The following PTPRT variants were observed in gnomAD, a reference collection of about 807,000 sequenced individuals.
PTPRT encodes the protein protein tyrosine phosphatase receptor type T.
Under a neutral mutation model 176.8 loss-of-function variants are expected in PTPRT, and 56 were observed. The observed-to-expected ratio is 0.32, with a 90% CI of 0.26 to 0.40. The LOEUF (loss-of-function observed/expected upper bound fraction) is 0.40, where lower values mean the gene tolerates loss of function less well. PTPRT is among the 10% of genes least tolerant of loss of function. PTPRT has a pLI of 1.00. For missense variants in PTPRT, 1,540 were observed against 1,908.2 expected (o/e 0.81, Z 3.60); for synonymous variants, 783 against 739.0 (o/e 1.06, Z -0.96).
At chr20:42,900,499 G>C (rs912550211) in intron 1 of PTPRT, among the ~76,000 whole-genome samples, 9 of 152,026 alleles carry the variant, frequency 5.9e-5, no homozygotes, top group African/African-American at 2.2e-4. Flanking sequence ...CTTGAGTTCT[G>C]ACTGGCTAAA....
chr20:42,894,461 C>T (rs969058610), intron 1 of PTPRT, among the ~76,000 whole-genome samples: 5 of 151,950 alleles, frequency 3.3e-5, no homozygotes, highest in Admixed American at 2.0e-4. Flanking sequence ...TCCCAATCAC[C>T]CCACGAGATG....
chr20:42,273,117 T>C (rs2056967694), intron 13 of PTPRT, among the ~76,000 whole-genome samples: 1 of 152,220 alleles, frequency 6.6e-6, no homozygotes, highest in Non-Finnish European at 1.5e-5. Context: ...TGAACTACTA[T>C]TTGCTGAGTG....
chr20:42,777,970 A>G (rs1302066327), intron 4 of PTPRT, among the ~76,000 whole-genome samples: 1 of 152,156 alleles, frequency 6.6e-6, no homozygotes, highest in East Asian at 1.9e-4. Flanking sequence ...ACAGGAGCAC[A>G]TTATGCAGAC....
intron 16 of PTPRT, among the ~76,000 whole-genome samples, chr20:42,176,884 G>A (rs1990315779): frequency 2.0e-5 from 3 of 151,898 alleles, no homozygotes; most frequent in South Asian, 4.1e-4. Flanking sequence ...CCATTGTTGT[G>A]GGTGGATAAA....
At position 43,189,059 on chromosome 20, in the gene PTPRT, G is replaced by A. The variant is rs1203663451; in HGVS notation, c.88+587C>T. Among the ~76,000 whole-genome samples the A allele has an allele frequency of 2.0e-5, 3 of 152,232 alleles. No individual in the cohort carries two copies. The highest frequency in any genetic ancestry group is 2.9e-5 in the Non-Finnish European group (2 of 68,038). The stretch of plus-strand genomic sequence containing the variant: ...AGAAAAGCCAGCGGGTAGGGCGGAG[G>A]TATTGCTCTCGGTCATCAACGCAAA... On this transcript the variant is annotated intron_variant, in intron 1 of 30. Coordinates refer to ENST00000373187, the MANE Select transcript of PTPRT (RefSeq NM_007050.6). The surrounding 1 kb of genome is among the most constrained non-coding windows in gnomAD (Gnocchi z 5.0).
intron 7 of PTPRT, among the ~76,000 whole-genome samples, chr20:42,628,416 C>A (rs2074337567): frequency 6.6e-6 from 1 of 152,124 alleles, no homozygotes; most frequent in South Asian, 2.1e-4. Context: ...AGTCCATTAT[C>A]CCTATAGCTA....
chr20:42,698,852 C>CATGAATGAATGAATGA (rs3092082), intron 6 of PTPRT, among the ~76,000 whole-genome samples: 187 of 151,538 alleles, frequency 1.2e-3, no homozygotes, highest in African/African-American at 4.0e-3. Context: ...TGAATGCATA[C>CATGAATGAATGAATGA]ATGAATGAAT....
chr20:42,141,785 G>T, intron 18 of PTPRT, 130 bp downstream of exon 18: 1 of 861,688 alleles, frequency 1.2e-6, no homozygotes, highest in Non-Finnish European at 1.9e-6. Context: ...CTTCCATCTT[G>T]GCATGTAGAT....
At chr20:42,635,078 A>C (rs1569040109) in intron 7 of PTPRT, among the ~76,000 whole-genome samples, 1 of 152,106 alleles carries the variant, frequency 6.6e-6, no homozygotes, top group African/African-American at 2.4e-5. Context: ...TCTCAGAGCT[A>C]ATTTGAACAC....
At chr20:42,894,880 G>C (rs1382661879) in intron 1 of PTPRT, among the ~76,000 whole-genome samples, 1 of 152,166 alleles carries the variant, frequency 6.6e-6, no homozygotes, top group Non-Finnish European at 1.5e-5. Flanking sequence ...AAATGGAGTA[G>C]GGGGCTTAAA....
At chr20:42,822,771 C>T (rs936092025) in intron 2 of PTPRT, among the ~76,000 whole-genome samples, 6 of 151,992 alleles carry the variant, frequency 3.9e-5, no homozygotes, top group Admixed American at 2.6e-4. Context: ...AAGACATTTA[C>T]GCAGCCAACA....
intron 2 of PTPRT, among the ~76,000 whole-genome samples, chr20:42,855,551 C>G (rs2078548146): frequency 6.6e-6 from 1 of 150,474 alleles, no homozygotes; most frequent in Non-Finnish European, 1.5e-5. Context: ...CATGCCTCAG[C>G]CTCCCAAGTA....
At chr20:43,127,422 CAAA>C (rs35897839) in intron 1 of PTPRT, among the ~76,000 whole-genome samples, 9 of 101,324 alleles carry the variant, frequency 8.9e-5, no homozygotes, top group Non-Finnish European at 1.0e-4. Context: ...GACTCCATCT[CAAA>C]AAAAAAAAAA....
chr20:42,230,901 C>A (rs1362195268), intron 15 of PTPRT, among the ~76,000 whole-genome samples: 1 of 152,212 alleles, frequency 6.6e-6, no homozygotes, highest in African/African-American at 2.4e-5. Context: ...TGTTCCATAG[C>A]TCCATTTTTA....
chr20:42,575,934 G>C (rs1330457591), intron 7 of PTPRT, among the ~76,000 whole-genome samples: 1 of 152,130 alleles, frequency 6.6e-6, no homozygotes, highest in East Asian at 1.9e-4. Flanking sequence ...CCAGCAGCCA[G>C]AGTGAGCATA....
At position 43,189,463 on chromosome 20, in the gene PTPRT, G is replaced by A. The variant is rs894199584; in HGVS notation, c.88+183C>T. ...CCGAGGGACGCGAGGGGCCGGGCTCGCTGGCCGGGGCGCGCGGGGACACTG... is the reference window on the plus strand; with the variant it reads ...CCGAGGGACGCGAGGGGCCGGGCTCACTGGCCGGGGCGCGCGGGGACACTG... On this transcript the variant is annotated intron_variant, in intron 1 of 30. Transcript: ENST00000373187. This position sits in a 1 kb window ranked among gnomAD's most constrained non-coding sequence, Gnocchi z 5.0. 6.6e-6 allele frequency among the ~76,000 whole-genome samples: 1 copy of A among 152,112 alleles called. No homozygotes were observed. Among genetic ancestry groups the A allele is most frequent in the African/African-American group, 2.4e-5 (1 of 41,444 alleles).
chr20:43,003,684 G>T (rs985856509), intron 1 of PTPRT, among the ~76,000 whole-genome samples: 7 of 152,078 alleles, frequency 4.6e-5, no homozygotes, highest in African/African-American at 1.7e-4. Flanking sequence ...TTTCCTGATG[G>T]TTCAGGTTAC....
intron 7 of PTPRT, among the ~76,000 whole-genome samples, chr20:42,585,892 T>G (rs2073462314): frequency 6.6e-6 from 1 of 152,182 alleles, no homozygotes; most frequent in Admixed American, 6.5e-5. Context: ...GTAACATGTC[T>G]GTAACATATT....
intron 7 of PTPRT, among the ~76,000 whole-genome samples, chr20:42,599,193 C>T (rs942131947): frequency 3.3e-5 from 5 of 152,098 alleles, no homozygotes; most frequent in Non-Finnish European, 7.4e-5. Context: ...GGGTAATGCC[C>T]ATACTCTGGC....
Sources: gnomAD v4.1 joint callset for allele counts (sites outside exome capture counted in the v4.1 genomes callset) on GRCh38, gnomAD v4.1.1 for gene constraint, Gnocchi (gnomAD v3.1) non-coding constraint, MANE v1.5 for transcripts, NCBI Gene and HGNC (gene_info 2026-07-23, HGNC 2026-07-21) for gene names.